The following FBF1 variants were observed in gnomAD, a reference collection of about 807,000 sequenced individuals.
The protein encoded by FBF1 is Fas binding factor 1.
FBF1 carries 119 observed loss-of-function variants against 147.2 expected under a neutral mutation model. The observed-to-expected ratio is 0.81, with a 90% CI of 0.70 to 0.94. The LOEUF is 0.94. FBF1 is among the 40% of genes least tolerant of loss of function. The pLI is 0.00. For missense variants in FBF1, 1,449 were observed against 1,500.8 expected (o/e 0.97, Z 0.57); for synonymous variants, 601 against 609.0 (o/e 0.99, Z 0.19).
chr17:75,911,137 C>T (rs570289599), intron 29 of FBF1, among the ~76,000 whole-genome samples: 1 of 152,254 alleles, frequency 6.6e-6, no homozygotes, highest in East Asian at 1.9e-4. Flanking sequence ...ATACACAAAG[C>T]AGGCCAGGCA....
At chr17:75,931,549 C>G (rs929633685) in intron 5 of FBF1, among the ~76,000 whole-genome samples, 1 of 151,954 alleles carries the variant, frequency 6.6e-6, no homozygotes. Context: ...TTTGGGAGGC[C>G]GAGGCAGGTG....
rs925855254 is a variant in FBF1, at chr17:75,925,197, G to A, written c.968+150C>T. On this transcript the variant is annotated intron_variant, in intron 13 of 29. Transcript: ENST00000636174. This position sits in a 1 kb window ranked among gnomAD's most constrained non-coding sequence, Gnocchi z 5.0. ...GGCTGGCGGGACCAGGCCATCTCCC[G>A]CTTCCTTCAGCACCTGCAGAGCTGA... The A allele has an allele frequency of 2.7e-5, 15 of 552,488 alleles. No homozygotes were observed. The highest frequency in any genetic ancestry group is 2.1e-4 in the Admixed American group (6 of 29,104). The allele number at this position is 552,488 out of a possible 1,614,324, so 34.2% of individuals were successfully genotyped here.
Position 75,922,205 on chromosome 17 carries a change from C to T in FBF1, c.1425-159G>A. Reference sequence around the variant, plus strand: ...GGCATTCTCCTCCCACGTCTGAGCTCCTGGGATTTCTGGGCATCTCTTCCC... The same window carrying T: ...GGCATTCTCCTCCCACGTCTGAGCTTCTGGGATTTCTGGGCATCTCTTCCC... On this transcript the variant is annotated intron_variant, in intron 14 of 29. Transcript: ENST00000636174. The surrounding 1 kb of genome is among the most constrained non-coding windows in gnomAD (Gnocchi z 5.0). 1 of 600,314 alleles carries T rather than the reference C, an allele frequency of 1.7e-6. No individual in the cohort carries two copies. The highest frequency in any genetic ancestry group is 2.0e-5 in the South Asian group (1 of 51,248). The allele number at this position is 600,314 out of a possible 1,614,324, so 37.2% of individuals were successfully genotyped here. A position where few individuals can be genotyped will look rare whatever the true frequency, so the allele number is the denominator to read the frequency against.
rs1333512330 is a variant in FBF1 at position 75,921,966 on chromosome 17, C to T, written c.1505G>A (p.Cys502Tyr). Residue 502 changes from cysteine (C) to tyrosine (Y), a missense_variant, in exon 15 of 30, where the codon TGT (cysteine) becomes TAT (tyrosine). Transcript: ENST00000636174. ...SSGTTARERPCVRPGVSGSPV... is the reference protein window; with the variant it reads ...SSGTTARERPYVRPGVSGSPV... ...CTACCCCGAGACACCAGGCCTGACA[C>T]ACGGTCTTTCTCGTGCAGTTGTTCC... 2 of 1,551,462 alleles carry T rather than the reference C, an allele frequency of 1.3e-6. No homozygotes were observed. Among genetic ancestry groups the T allele is most frequent in the Non-Finnish European group, 1.7e-6 (2 of 1,147,000 alleles).
chr17:75,916,660 C>A (rs2065491076), intron 23 of FBF1, among the ~76,000 whole-genome samples: 1 of 152,116 alleles, frequency 6.6e-6, no homozygotes, highest in Non-Finnish European at 1.5e-5. Flanking sequence ...AAGATGATAA[C>A]TACTAGCTGA....
At position 75,910,807 on chromosome 17, in the gene FBF1, C is replaced by T. The variant is rs369891062; in HGVS notation, c.3364-1G>A. On this transcript the variant is annotated splice_acceptor_variant, in intron 29 of 29. Coordinates refer to ENST00000636174, the MANE Select transcript of FBF1 (RefSeq NM_001319193.2). LOFTEE classifies it high-confidence loss of function. This position sits in a 1 kb window ranked among gnomAD's most constrained non-coding sequence, Gnocchi z 4.1. ...GTTCATTCTCCAAGAAGTCACGGTC[C>T]TGCAAGGCAGGTTTGGATGGGCGGT... 1.2e-6 allele frequency: 2 copies of T among 1,607,420 alleles called. No homozygotes were observed. Among genetic ancestry groups the T allele is most frequent in the Non-Finnish European group, 1.7e-6 (2 of 1,177,120 alleles).
chr17:75,924,000 G>C lies in FBF1; in HGVS notation c.969-359C>G, dbSNP rs2065545486. 6.6e-6 allele frequency among the ~76,000 whole-genome samples: 1 copy of C among 152,102 alleles called. No homozygotes were observed. The highest frequency in any genetic ancestry group is 6.6e-5 in the Admixed American group (1 of 15,258). ...GGCCAGGGTGGGCAGATCGCTTAAG[G>C]CCAGGAGTTCAAGACCAGCCTGGCC... On this transcript the variant is annotated intron_variant, in intron 13 of 29. Coordinates refer to ENST00000636174, the MANE Select transcript of FBF1 (RefSeq NM_001319193.2). This position sits in a 1 kb window ranked among gnomAD's most constrained non-coding sequence, Gnocchi z 4.1.
chr17:75,933,135 T>A, intron 4 of FBF1, 47 bp from the exon 5 acceptor site: 2 of 1,447,180 alleles, frequency 1.4e-6, no homozygotes, highest in Non-Finnish European at 1.9e-6. Flanking sequence ...TAAAGGTACC[T>A]GGAGTCAAGA....
Position 75,910,105 on chromosome 17 carries a change from G to C in FBF1, c.*618C>G. 1.8e-6 allele frequency: 1 copy of C among 545,822 alleles called. No homozygotes were observed. The allele number at this position is 545,822 out of a possible 1,614,324, so 33.8% of individuals were successfully genotyped here. A position where few individuals can be genotyped will look rare whatever the true frequency, so the allele number is the denominator to read the frequency against. ...GAGGAGGCCACTGTTCACCCAAACT[G>C]GTTGGTCCTTCGGGCAATGCTGGGA... On this transcript the variant is annotated 3_prime_UTR_variant, in exon 30 of 30. Coordinates refer to ENST00000636174, the MANE Select transcript of FBF1 (RefSeq NM_001319193.2). The surrounding 1 kb of genome is among the most constrained non-coding windows in gnomAD (Gnocchi z 4.1).
chr17:75,926,742 GC>G lies in FBF1; in HGVS notation c.595+15del, dbSNP rs1206117806. On this transcript the variant is annotated intron_variant, in intron 10 of 29. Transcript: ENST00000636174. The stretch of plus-strand genomic sequence containing the variant: ...ACTCTTCCTCCAGGATGGGAAATGA[GC>G]CCACTCCACCCTACCTTGATCTCTC... 6.2e-7 allele frequency: 1 copy of G among 1,608,234 alleles called. No individual in the cohort carries two copies. Among genetic ancestry groups the G allele is most frequent in the African/African-American group, 1.3e-5 (1 of 74,974 alleles).
intron 28 of FBF1, among the ~76,000 whole-genome samples, chr17:75,913,092 G>C (rs1336635365): frequency 6.7e-6 from 1 of 149,406 alleles, no homozygotes; most frequent in Non-Finnish European, 1.5e-5. Flanking sequence ...GCACCAAAAT[G>C]TTAAAAGTGA....
chr17:75,913,663 A>G, intron 28 of FBF1, 39 bp downstream of exon 28: 3 of 1,518,044 alleles, frequency 2.0e-6, no homozygotes, highest in Non-Finnish European at 2.7e-6. Flanking sequence ...GCCCCTGCCC[A>G]GTCCTGAGCC....
In FBF1 at chr17:75,938,168, GCT is replaced by G. The variant is rs775851393; in HGVS notation, c.-21_-20del. 55 of 1,613,244 alleles carry G rather than the reference GCT, an allele frequency of 3.4e-5. No homozygotes were observed. Among genetic ancestry groups the G allele is most frequent in the Middle Eastern group, 3.3e-4 (2 of 6,084 alleles). Reference sequence around the variant, plus strand: ...CTACCATCTCACGGCTCTCGGGGGTGCTCTCAGCTCCTTCACAGCACTGGCCA... The same window carrying G: ...CTACCATCTCACGGCTCTCGGGGGTGCTCAGCTCCTTCACAGCACTGGCCA... On this transcript the variant is annotated 5_prime_UTR_variant, in exon 2 of 30. Coordinates refer to ENST00000636174, the MANE Select transcript of FBF1 (RefSeq NM_001319193.2).
intron 3 of FBF1, among the ~76,000 whole-genome samples, chr17:75,936,927 T>C (rs2065628559): frequency 6.6e-6 from 1 of 152,102 alleles, no homozygotes; most frequent in Non-Finnish European, 1.5e-5. Flanking sequence ...TCCTCATCAA[T>C]GGCCACTTTC....
chr17:75,910,474 C>T lies in FBF1; in HGVS notation c.*249G>A, dbSNP rs567752991. The T allele has an allele frequency of 9.8e-5, 49 of 497,494 alleles. No individual in the cohort carries two copies. Among genetic ancestry groups the T allele is most frequent in the African/African-American group, 8.9e-4 (46 of 51,504 alleles). 30.8% of individuals were successfully genotyped at this position (497,494 alleles called of 1,614,324 possible). On this transcript the variant is annotated 3_prime_UTR_variant, in exon 30 of 30. Coordinates refer to ENST00000636174, the MANE Select transcript of FBF1 (RefSeq NM_001319193.2). The surrounding 1 kb of genome is among the most constrained non-coding windows in gnomAD (Gnocchi z 4.1). ...GCCAACTCAGACCCTCAGATCCAAGCCAATGGCTTTGGGGCAGGGCAGCCA... is the reference window on the plus strand; with the variant it reads ...GCCAACTCAGACCCTCAGATCCAAGTCAATGGCTTTGGGGCAGGGCAGCCA...
At chr17:75,914,448 A>C (rs2065475441) in intron 25 of FBF1, 150 bp from the exon 26 acceptor site, 1 of 1,237,704 alleles carries the variant, frequency 8.1e-7, no homozygotes, top group Admixed American at 2.9e-5. Context: ...GCCTGGGGCC[A>C]AGCCGGAGTG....
At chr17:75,915,980 C>G (rs898796768) in intron 23 of FBF1, among the ~76,000 whole-genome samples, 1 of 141,466 alleles carries the variant, frequency 7.1e-6, no homozygotes, top group South Asian at 2.2e-4. Flanking sequence ...TACACTACAG[C>G]CTGGGTGACA....
chr17:75,931,383 G>A (rs935262680), intron 5 of FBF1, 94 bp from the exon 6 acceptor site: 7 of 1,094,376 alleles, frequency 6.4e-6, no homozygotes, highest in Admixed American at 2.1e-5. Context: ...AAGGAATCTC[G>A]GATAGGTCTC....
At chr17:75,914,694 G>C (rs1427371264) in intron 25 of FBF1, 53 bp downstream of exon 25, 1 of 1,468,504 alleles carries the variant, frequency 6.8e-7, no homozygotes, top group Non-Finnish European at 9.0e-7. Flanking sequence ...TGTCCAGATG[G>C]AGGGGCGCAG....
Sources: gnomAD v4.1 joint callset for allele counts (sites outside exome capture counted in the v4.1 genomes callset) on GRCh38, gnomAD v4.1.1 for gene constraint, Gnocchi (gnomAD v3.1) non-coding constraint, MANE v1.5 for transcripts, NCBI Gene and HGNC (gene_info 2026-07-23, HGNC 2026-07-21) for gene names.